The following GOSR1 variants were observed in gnomAD, a reference collection of about 807,000 sequenced individuals.
The protein encoded by GOSR1 is golgi SNAP receptor complex member 1.
Under a neutral mutation model 35.5 loss-of-function variants are expected in GOSR1, and 21 were observed. The ratio of observed to expected loss-of-function variants is 0.59; its 90% confidence interval spans 0.42 to 0.85. The LOEUF (loss-of-function observed/expected upper bound fraction) is 0.85, where lower values mean the gene tolerates loss of function less well. GOSR1 is among the 40% of genes least tolerant of loss of function. The pLI, the probability that GOSR1 is intolerant of heterozygous loss-of-function variation, is 0.00. For synonymous variants in GOSR1, 94 were observed against 106.6 expected (o/e 0.88, Z 0.73); for missense variants, 285 against 309.6 (o/e 0.92, Z 0.60).
intron 6 of GOSR1, among the ~76,000 whole-genome samples, chr17:30,496,497 C>G (rs1210960809): frequency 3.3e-5 from 5 of 152,180 alleles, no homozygotes; most frequent in Non-Finnish European, 7.3e-5. Flanking sequence ...TTTCTTACTT[C>G]TCTTTTGTTT....
intron 6 of GOSR1, 114 bp downstream of exon 6, chr17:30,492,867 C>T (rs1915132199): frequency 1.5e-6 from 1 of 653,108 alleles, no homozygotes. Flanking sequence ...CATGCTAATT[C>T]ATTTTATTCT....
intron 1 of GOSR1, chr17:30,477,870 G>C (rs1003426200): frequency 1.1e-5 from 11 of 985,096 alleles, no homozygotes; most frequent in Non-Finnish European, 1.1e-5. Context: ...CATTGGAGCT[G>C]AGGTCACTAT....
chr17:30,501,656 C>A (rs1002354654), intron 6 of GOSR1, among the ~76,000 whole-genome samples: 1 of 152,066 alleles, frequency 6.6e-6, no homozygotes, highest in African/African-American at 2.4e-5. Context: ...CCACCACACC[C>A]GGCTAATTTT....
At position 30,523,445 on chromosome 17, in the gene GOSR1, G is replaced by T; in HGVS notation, c.*1067G>T. On this transcript the variant is annotated 3_prime_UTR_variant, in exon 9 of 9. Coordinates refer to ENST00000451249, the MANE Select transcript of GOSR1 (RefSeq NM_001007025.2). ...AGCCGCCCTGTCTGAGAAGTGAGGA[G>T]CCCCTCCGCCCGGCAGCCACCCCAT... 6.0e-6 allele frequency: 1 copy of T among 165,896 alleles called. No individual in the cohort carries two copies. The highest frequency in any genetic ancestry group is 1.6e-4 in the South Asian group (1 of 6,396). 10.3% of individuals were successfully genotyped at this position (165,896 alleles called of 1,614,324 possible). A position where few individuals can be genotyped will look rare whatever the true frequency, so the allele number is the denominator to read the frequency against.
rs148989334 is a variant in GOSR1, at chr17:30,514,939, A to G, written c.539+4030A>G. 3.5e-3 allele frequency among the ~76,000 whole-genome samples: 533 copies of G among 152,330 alleles called. 7 individuals carry two copies. Among genetic ancestry groups the G allele is most frequent in the African/African-American group, 0.012 (512 of 41,566 alleles). On this transcript the variant is annotated intron_variant, in intron 7 of 8. Coordinates refer to ENST00000451249, the MANE Select transcript of GOSR1 (RefSeq NM_001007025.2). ...ATTTATGTGTATGTTTTGTGGATGT[A>G]GTAATCTTTTATCTCTCTGAAAACA...
rs563538449 is a variant in GOSR1 at position 30,512,676 on chromosome 17, T to C, written c.539+1767T>C. 6.6e-5 allele frequency among the ~76,000 whole-genome samples: 10 copies of C among 152,338 alleles called. No individual in the cohort carries two copies. In the East Asian group the frequency reaches 1.7e-3, roughly 26 times the overall value. ...CAGAATTTCCTTATGTTGACTGAAG[T>C]TTCTTCCTTGTAACTTTTTCCTTTT... On this transcript the variant is annotated intron_variant, in intron 7 of 8. Transcript: ENST00000451249.
In GOSR1 at chr17:30,484,259, G is replaced by C. The variant is rs1914533900; in HGVS notation, c.192G>C (p.Met64Ile). Residue 64 changes from methionine (M) to isoleucine (I), a missense_variant, in exon 3 of 9, where the codon ATG becomes ATC. By Grantham distance (10) the Met-to-Ile change is conservative. This residue lies in a region of GOSR1 where 108 missense variants were observed against 98.9 expected (regional missense o/e 1.09). Coordinates refer to ENST00000451249, the MANE Select transcript of GOSR1 (RefSeq NM_001007025.2). ...TAAATGGATCAAGCCAAGACAGAATGTTTGAGACAATGGCGATTGAGATTG... is the reference window on the plus strand; with the variant it reads ...TAAATGGATCAAGCCAAGACAGAATCTTTGAGACAATGGCGATTGAGATTG... ...PLLNGSSQDR[M>I]FETMAIEIEQ... 1 of 1,612,366 alleles carries C rather than the reference G, an allele frequency of 6.2e-7. No homozygotes were observed. Among genetic ancestry groups the C allele is most frequent in the Non-Finnish European group, 8.5e-7 (1 of 1,178,490 alleles).
At chr17:30,477,618 G>T in intron 1 of GOSR1, 154 bp downstream of exon 1, 1 of 1,394,082 alleles carries the variant, frequency 7.2e-7, no homozygotes, top group South Asian at 1.6e-5. Context: ...CGGGGCCTTG[G>T]GGATACCGAA....
At chr17:30,480,406 T>A (rs1914258333) in intron 1 of GOSR1, among the ~76,000 whole-genome samples, 1 of 152,228 alleles carries the variant, frequency 6.6e-6, no homozygotes, top group Non-Finnish European at 1.5e-5. Context: ...CAAAATCCCT[T>A]TCAAAAGAAT....
chr17:30,520,213 A>C (rs1967974790), intron 8 of GOSR1, 192 bp downstream of exon 8: 1 of 460,938 alleles, frequency 2.2e-6, no homozygotes. Flanking sequence ...AAAAGACTGC[A>C]CCTCAGAAGT....
chr17:30,484,701 C>T lies in GOSR1; in HGVS notation c.273C>T (p.Asn91=). ...ATGATAAAATGGCAGAATATACCAACAGTGCAGGTGTCCCCTCCTTGAATG... is the reference window on the plus strand; with the variant it reads ...ATGATAAAATGGCAGAATATACCAATAGTGCAGGTGTCCCCTCCTTGAATG... ...GVNDKMAEYT[N]SAGVPSLNAA... The change falls in exon 4 of 9, where the codon AAC becomes AAT. Residue 91 remains asparagine, a synonymous_variant. Coordinates refer to ENST00000451249, the MANE Select transcript of GOSR1 (RefSeq NM_001007025.2). 1 of 1,581,470 alleles carries T rather than the reference C, an allele frequency of 6.3e-7. No homozygotes were observed. Among genetic ancestry groups the T allele is most frequent in the Non-Finnish European group, 8.6e-7 (1 of 1,159,998 alleles).
chr17:30,509,748 G>T (rs1258623928), intron 6 of GOSR1, among the ~76,000 whole-genome samples: 1 of 152,078 alleles, frequency 6.6e-6, no homozygotes, highest in African/African-American at 2.4e-5. Flanking sequence ...CAGATAAAAG[G>T]TGTATTTGGT....
At position 30,525,261 on chromosome 17, in the gene GOSR1, G is replaced by A. The variant is rs897871923; in HGVS notation, c.*2883G>A. On this transcript the variant is annotated 3_prime_UTR_variant, in exon 9 of 9. Transcript: ENST00000451249. ...GGACTAACACCTGGTTTGGTACAGA[G>A]ACTGAGAAGTTTTTCATTCTGGTGT... 2 of 152,218 alleles carry A rather than the reference G, an allele frequency of 1.3e-5. No individual in the cohort carries two copies. The highest frequency in any genetic ancestry group is 2.4e-5 in the African/African-American group (1 of 41,446). The allele number at this position is 152,218 out of a possible 1,614,324, so 9.4% of individuals were successfully genotyped here. A position where few individuals can be genotyped will look rare whatever the true frequency, so the allele number is the denominator to read the frequency against.
At chr17:30,511,532 ATTT>A (rs5819904) in intron 7 of GOSR1, among the ~76,000 whole-genome samples, 5 of 146,864 alleles carry the variant, frequency 3.4e-5, no homozygotes, top group African/African-American at 2.5e-5. Flanking sequence ...AAACATTTGT[ATTT>A]TTTTTTTTTT....
intron 7 of GOSR1, among the ~76,000 whole-genome samples, chr17:30,511,907 A>G (rs1489572536): frequency 6.6e-6 from 1 of 152,358 alleles, no homozygotes; most frequent in African/African-American, 2.4e-5. Flanking sequence ...GATTTTCTCA[A>G]TAACCCATTA....
chr17:30,484,145 T>C (rs1914525474), intron 2 of GOSR1, 69 bp from the exon 3 acceptor site: 1 of 812,546 alleles, frequency 1.2e-6, no homozygotes, highest in African/African-American at 1.7e-5. Flanking sequence ...TTAATCACCT[T>C]ATTATTTTAA....
chr17:30,495,446 A>C (rs1320941001), intron 6 of GOSR1: 4 of 455,996 alleles, frequency 8.8e-6, no homozygotes, highest in Non-Finnish European at 8.8e-6. Context: ...TGGTGAAGAT[A>C]AACTTGAATA....
At chr17:30,500,916 T>A (rs1004304220) in intron 6 of GOSR1, among the ~76,000 whole-genome samples, 21 of 151,172 alleles carry the variant, frequency 1.4e-4, no homozygotes, top group Admixed American at 1.1e-3. Context: ...AGTCTCGCTC[T>A]GTCGCCCAGG....
At chr17:30,510,766 T>C (rs1341562998) in intron 6 of GOSR1, 114 bp from the exon 7 acceptor site, 1 of 619,522 alleles carries the variant, frequency 1.6e-6, no homozygotes, top group African/African-American at 1.9e-5. Flanking sequence ...TTGAAAAAGC[T>C]AGACATTCTG....
Sources: gnomAD v4.1 joint callset for allele counts (sites outside exome capture counted in the v4.1 genomes callset) on GRCh38, gnomAD v4.1.1 for gene constraint, gnomAD v4.1.1 regional missense constraint, MANE v1.5 for transcripts, NCBI Gene and HGNC (gene_info 2026-07-23, HGNC 2026-07-21) for gene names.